Variants in ATP6V1H observed in about 807,000 individuals in gnomAD.
ATP6V1H encodes V-type proton ATPase subunit H.
In ATP6V1H, 39 loss-of-function variants were observed where a neutral mutation model predicts 71.7. The ratio of observed to expected loss-of-function variants is 0.54; its 90% CI spans 0.42 to 0.71. ATP6V1H has a LOEUF of 0.71. Ranked by LOEUF, ATP6V1H falls within the 30% of genes least tolerant of loss-of-function variation. The probability of loss-of-function intolerance (pLI) is 0.00; values close to 1 mark genes in which losing one functional copy is unlikely to be tolerated. For synonymous variants in ATP6V1H, 192 were observed against 199.3 expected, an observed-to-expected ratio of 0.96 and a Z score of 0.31; for missense variants, 509 against 594.9, an observed-to-expected ratio of 0.86 and a Z score of 1.50.
At chr8:53,833,319 T>C in intron 2 of ATP6V1H, 1 of 476,548 alleles carries the variant, frequency 2.1e-6, no homozygotes. Flanking sequence ...ATAATCGCAT[T>C]GCCTCTAAGG....
intron 9 of ATP6V1H, among the ~76,000 whole-genome samples, chr8:53,788,772 C>T (rs142342790): frequency 1.6e-4 from 24 of 152,290 alleles, no homozygotes; most frequent in South Asian, 8.3e-4. Flanking sequence ...CCTTCTACTG[C>T]GCCATTATGA....
At chr8:53,770,041 A>G (rs551495516) in intron 10 of ATP6V1H, among the ~76,000 whole-genome samples, 2 of 152,282 alleles carry the variant, frequency 1.3e-5, no homozygotes, top group South Asian at 2.1e-4. Flanking sequence ...GAATGTGTAT[A>G]AGCAAAAAAA....
chr8:53,804,307 C>T (rs968637853), intron 7 of ATP6V1H, among the ~76,000 whole-genome samples: 12 of 152,010 alleles, frequency 7.9e-5, no homozygotes, highest in Admixed American at 2.0e-4. Flanking sequence ...ATACCAACAG[C>T]GTATTATTAT....
intron 4 of ATP6V1H, among the ~76,000 whole-genome samples, chr8:53,823,974 G>A (rs1810743459): frequency 6.6e-6 from 1 of 151,090 alleles, no homozygotes; most frequent in African/African-American, 2.4e-5. Context: ...TAACAAAATG[G>A]GGGAGAAACA....
At chr8:53,730,238 T>C (rs895518118) in intron 13 of ATP6V1H, among the ~76,000 whole-genome samples, 2 of 152,256 alleles carry the variant, frequency 1.3e-5, no homozygotes, top group African/African-American at 4.8e-5. Flanking sequence ...CTGATATCCT[T>C]GTCACATGTC....
chr8:53,821,014 G>C (rs1810634721), intron 4 of ATP6V1H, among the ~76,000 whole-genome samples: 1 of 143,886 alleles, frequency 6.9e-6, no homozygotes, highest in South Asian at 2.2e-4. Context: ...AAAAAGAAAA[G>C]AAAGGAAGGA....
chr8:53,748,750 G>T (rs975052893), intron 12 of ATP6V1H, among the ~76,000 whole-genome samples: 1 of 152,092 alleles, frequency 6.6e-6, no homozygotes, highest in Non-Finnish European at 1.5e-5. Context: ...AGTATTAAGG[G>T]TGTTGCTTTT....
rs561625055 is a variant in ATP6V1H, at chr8:53,824,299, C to A, written c.306+5145G>T. 8.9e-4 allele frequency among the ~76,000 whole-genome samples: 136 copies of A among 152,244 alleles called. 1 individual carries two copies. The South Asian group carries it at 0.028, about 31-fold the overall frequency. On this transcript the variant is annotated intron_variant, in intron 4 of 13. Transcript: ENST00000359530. Reference sequence around the variant, plus strand: ...ACAAGGGAATTTTACCAAAACTTAGCCCTTGTAGTCCTAATGCTAAATAAA... The same window carrying A: ...ACAAGGGAATTTTACCAAAACTTAGACCTTGTAGTCCTAATGCTAAATAAA...
At chr8:53,744,640 T>C (rs544059205) in intron 12 of ATP6V1H, among the ~76,000 whole-genome samples, 4 of 151,866 alleles carry the variant, frequency 2.6e-5, no homozygotes, top group Non-Finnish European at 5.9e-5. Flanking sequence ...TAGATGGGGG[T>C]CGGAGTGAGA....
chr8:53,762,247 G>A, intron 11 of ATP6V1H, among the ~76,000 whole-genome samples: 1 of 149,296 alleles, frequency 6.7e-6, no homozygotes. Flanking sequence ...TGTAATACAA[G>A]ATCTATAGGA....
At position 53,722,215 on chromosome 8, in the gene ATP6V1H, C is replaced by T. The variant is rs1458855071; in HGVS notation, c.1392-6191G>A. On this transcript the variant is annotated intron_variant, in intron 13 of 13. Transcript: ENST00000359530. ...TGCTACTACCAGCCCTGTCACAGAT[C>T]GGCAGCATCTTCTGTGCTTCATGGC... 2.0e-5 allele frequency among the ~76,000 whole-genome samples: 3 copies of T among 152,198 alleles called. No homozygotes were observed. In the East Asian group the frequency reaches 5.8e-4, roughly 29 times the overall value.
At chr8:53,834,429 T>C (rs1252032495) in intron 2 of ATP6V1H, among the ~76,000 whole-genome samples, 3 of 149,766 alleles carry the variant, frequency 2.0e-5, no homozygotes, top group Non-Finnish European at 4.4e-5. Flanking sequence ...TTTTGGTTTT[T>C]TGTTTGTTTG....
chr8:53,827,310 G>C lies in ATP6V1H; in HGVS notation c.306+2134C>G, dbSNP rs147785932. Among the ~76,000 whole-genome samples, 386 of 151,992 alleles carry C rather than the reference G, an allele frequency of 2.5e-3. 2 individuals are homozygous for C. The highest frequency in any genetic ancestry group is 8.9e-3 in the African/African-American group (367 of 41,448). ...AGGCAGGAGAATCACTTGAACCCAGGGGGCAGAGGTTGCAGCGAGCCGAGA... is the reference window on the plus strand; with the variant it reads ...AGGCAGGAGAATCACTTGAACCCAGCGGGCAGAGGTTGCAGCGAGCCGAGA... On this transcript the variant is annotated intron_variant, in intron 4 of 13. Transcript: ENST00000359530.
intron 4 of ATP6V1H, among the ~76,000 whole-genome samples, chr8:53,823,045 CAT>C (rs1202139739): frequency 6.6e-6 from 1 of 151,882 alleles, no homozygotes; most frequent in African/African-American, 2.4e-5. Flanking sequence ...AGACGTTTAA[CAT>C]ACCACTCTTA....
chr8:53,817,468 C>CCA lies in ATP6V1H; in HGVS notation c.367_368dup (p.Trp123CysfsTer9). On this transcript the variant is annotated frameshift_variant, in exon 5 of 14. Coordinates refer to ENST00000359530, the MANE Select transcript of ATP6V1H (RefSeq NM_015941.4). LOFTEE classifies it high-confidence loss of function. ...GATTCAACATTGGCAGAAAGTAGGG[C>CCA]CACGCAGTGTTCTTGCTACATCTTG... 1 of 1,613,716 alleles carries CCA rather than the reference C, an allele frequency of 6.2e-7. No homozygotes were observed. The highest frequency in any genetic ancestry group is 8.5e-7 in the Non-Finnish European group (1 of 1,179,744).
chr8:53,717,182 G>C (rs969954681), intron 13 of ATP6V1H, among the ~76,000 whole-genome samples: 2 of 152,242 alleles, frequency 1.3e-5, no homozygotes, highest in Non-Finnish European at 2.9e-5. Context: ...TGGTCCAGAA[G>C]AGGGCAAGCA....
chr8:53,817,484 C>T lies in ATP6V1H; in HGVS notation c.353G>A (p.Ser118Asn), dbSNP rs1263907712. The T allele has an allele frequency of 6.2e-7, 1 of 1,613,444 alleles. No individual in the cohort carries two copies. The highest frequency in any genetic ancestry group is 1.3e-5 in the African/African-American group (1 of 74,904). ...AAAGTAGGGCCACGCAGTGTTCTTG[C>T]TACATCTTGCATAGTCAAAGAAAAT... ...VSIFFDYARC[S>N]KNTAWPYFLP... is the part of the protein sequence containing the mutation. The change falls in exon 5 of 14, where the codon AGC (serine) becomes AAC (asparagine). Residue 118 changes from serine to asparagine, a missense_variant. Physicochemically the swap from Ser to Asn is conservative, Grantham distance 46. Around this residue, in one of 2 missense-constraint regions of ATP6V1H, gnomAD observed 297 missense variants for 303.3 expected, o/e 0.98. Coordinates refer to ENST00000359530, the MANE Select transcript of ATP6V1H (RefSeq NM_015941.4).
At chr8:53,790,090 G>A (rs1360680587) in intron 9 of ATP6V1H, among the ~76,000 whole-genome samples, 1 of 152,156 alleles carries the variant, frequency 6.6e-6, no homozygotes, top group Non-Finnish European at 1.5e-5. Context: ...AAAAGTCCAT[G>A]TGCTAACAGA....
intron 8 of ATP6V1H, among the ~76,000 whole-genome samples, chr8:53,798,289 G>T (rs1162146158): frequency 7.9e-5 from 12 of 152,044 alleles, no homozygotes; most frequent in Admixed American, 7.9e-4. Context: ...ACTTTGGGAG[G>T]CCGAGGCAGG....
Sources: gnomAD v4.1 joint callset for allele counts (sites outside exome capture counted in the v4.1 genomes callset) on GRCh38, gnomAD v4.1.1 for gene constraint, gnomAD v4.1.1 regional missense constraint, MANE v1.5 for transcripts, NCBI Gene and HGNC (gene_info 2026-07-23, HGNC 2026-07-21) for gene names.